Variants in TLE4 observed in about 807,000 individuals in gnomAD.
TLE4 encodes the protein transducin-like enhancer protein 4.
Under a neutral mutation model 92.8 loss-of-function variants are expected in TLE4, and 8 were observed. That is an observed-to-expected ratio of 0.09 (90% CI 0.05 to 0.16). TLE4 has a LOEUF of 0.16. TLE4 is among the 10% of genes least tolerant of loss of function. TLE4 has a pLI of 1.00. For synonymous variants in TLE4, 371 were observed against 374.1 expected, an observed-to-expected ratio of 0.99 and a Z score of 0.10; for missense variants, 675 against 997.6, an observed-to-expected ratio of 0.68 and a Z score of 4.36.
At chr9:79,667,852 A>G (rs779762783) in intron 8 of TLE4, among the ~76,000 whole-genome samples, 1 of 152,220 alleles carries the variant, frequency 6.6e-6, no homozygotes, top group African/African-American at 2.4e-5. Context: ...TTCTTAAACT[A>G]AAGATTATCA....
chr9:79,578,281 A>G (rs1186813085), intron 4 of TLE4, among the ~76,000 whole-genome samples: 1 of 152,038 alleles, frequency 6.6e-6, no homozygotes, highest in Non-Finnish European at 1.5e-5. Context: ...AGGTTTATTC[A>G]CTTATTAGAT....
In TLE4 at chr9:79,573,631, C is replaced by G. The variant is rs1004324473; in HGVS notation, c.46-58C>G. On this transcript the variant is annotated intron_variant, in intron 1 of 19. Transcript: ENST00000376552. ...CTAACGCCGCATAGTAGGTTTTCTCCGTCTCCCTGCTTCGCCTGTGATGTG... is the reference window on the plus strand; with the variant it reads ...CTAACGCCGCATAGTAGGTTTTCTCGGTCTCCCTGCTTCGCCTGTGATGTG... The G allele has an allele frequency of 5.7e-6, 8 of 1,409,166 alleles. No individual in the cohort carries two copies. The South Asian group carries it at 9.1e-5, about 16-fold the overall frequency. 87.3% of individuals were successfully genotyped at this position (1,409,166 alleles called of 1,614,324 possible). A position where few individuals can be genotyped will look rare whatever the true frequency, so the allele number is the denominator to read the frequency against.
intron 5 of TLE4, among the ~76,000 whole-genome samples, chr9:79,613,795 T>C (rs550557391): frequency 6.6e-6 from 1 of 152,282 alleles, no homozygotes; most frequent in Admixed American, 6.5e-5. Flanking sequence ...GATTGCTGTA[T>C]ATGATTTTTT....
intron 1 of TLE4, 82 bp from the exon 2 acceptor site, chr9:79,573,607 T>C (rs546321360): frequency 9.1e-6 from 11 of 1,206,042 alleles, no homozygotes; most frequent in Non-Finnish European, 1.2e-5. Flanking sequence ...CACCCCCCGC[T>C]AACGCCGCAT....
At chr9:79,715,045 TG>T (rs746656825) in intron 14 of TLE4, among the ~76,000 whole-genome samples, 1 of 152,196 alleles carries the variant, frequency 6.6e-6, no homozygotes, top group Non-Finnish European at 1.5e-5. Context: ...AGCAGGCTCT[TG>T]GAATTCATTT....
chr9:79,596,616 G>A (rs759348244), intron 4 of TLE4, among the ~76,000 whole-genome samples: 5 of 148,022 alleles, frequency 3.4e-5, no homozygotes, highest in Non-Finnish European at 6.0e-5. Flanking sequence ...AGTAAGGGAT[G>A]CTTTCTTAAT....
At chr9:79,600,014 C>T (rs1442688572) in intron 4 of TLE4, among the ~76,000 whole-genome samples, 1 of 152,212 alleles carries the variant, frequency 6.6e-6, no homozygotes, top group Non-Finnish European at 1.5e-5. Context: ...CTTCATTCAG[C>T]ATCTACAATA....
chr9:79,617,848 A>AT (rs1434934792), intron 5 of TLE4, among the ~76,000 whole-genome samples: 1 of 151,782 alleles, frequency 6.6e-6, no homozygotes, highest in African/African-American at 2.4e-5. Flanking sequence ...AAAAAAAAAA[A>AT]GCTTGTTTCT....
intron 4 of TLE4, among the ~76,000 whole-genome samples, chr9:79,588,208 C>T (rs182416057): frequency 1.3e-5 from 2 of 151,146 alleles, no homozygotes; most frequent in African/African-American, 2.4e-5. Context: ...AGTGCGGTGG[C>T]GTGATCTCGG....
At chr9:79,707,486 GTAACA>G (rs1003994429) in intron 11 of TLE4, among the ~76,000 whole-genome samples, 2 of 151,910 alleles carry the variant, frequency 1.3e-5, no homozygotes, top group African/African-American at 4.8e-5. Flanking sequence ...TTATTTCCTT[GTAACA>G]TAACATTTAA....
intron 8 of TLE4, among the ~76,000 whole-genome samples, chr9:79,684,447 GCATACTCTAT>G (rs2065365834): frequency 6.6e-6 from 1 of 152,010 alleles, no homozygotes; most frequent in African/African-American, 2.4e-5. Flanking sequence ...TCATAGGCAT[GCATACTCTAT>G]TGTGAACTGT....
rs1340752587 is a variant in TLE4 at position 79,725,935 on chromosome 9, G to A, written c.*791G>A. ...TGAACAAATTAAATTTGGCCTCAAA[G>A]AGAGAACTTACTCCCTTCTGGATAT... On this transcript the variant is annotated 3_prime_UTR_variant, in exon 20 of 20. Transcript: ENST00000376552. 1.3e-5 allele frequency: 2 copies of A among 152,580 alleles called. No individual in the cohort carries two copies. The highest frequency in any genetic ancestry group is 2.9e-5 in the Non-Finnish European group (2 of 68,026). 9.5% of individuals were successfully genotyped at this position (152,580 alleles called of 1,614,324 possible).
rs2076362918 is a variant in TLE4 at position 79,726,200 on chromosome 9, T to G, written c.*1056T>G. 4 of 152,794 alleles carry G rather than the reference T, an allele frequency of 2.6e-5. No individual in the cohort carries two copies. Among genetic ancestry groups the G allele is most frequent in the East Asian group, 1.9e-4 (1 of 5,180 alleles). The allele number at this position is 152,794 out of a possible 1,614,324, so 9.5% of individuals were successfully genotyped here. A position where few individuals can be genotyped will look rare whatever the true frequency, so the allele number is the denominator to read the frequency against. ...CTCCTGGGATGAGGACTTGCTTTCTTTACCTCCGGTTCTTTCCATGTCTTA... is the reference window on the plus strand; with the variant it reads ...CTCCTGGGATGAGGACTTGCTTTCTGTACCTCCGGTTCTTTCCATGTCTTA... On this transcript the variant is annotated 3_prime_UTR_variant, in exon 20 of 20. Coordinates refer to ENST00000376552, the MANE Select transcript of TLE4 (RefSeq NM_007005.6).
At position 79,709,620 on chromosome 9, in the gene TLE4, T is replaced by C. The variant is rs1201355920; in HGVS notation, c.1264-3T>C. ...TCTGTTGTTTGCTTGGGAAAAATTC[T>C]AGGTGGGATTTGATCCACACCATCA... On this transcript the variant is annotated splice_region_variant and splice_polypyrimidine_tract_variant and intron_variant, in intron 13 of 19. Transcript: ENST00000376552. 1.2e-6 allele frequency: 2 copies of C among 1,613,608 alleles called. No individual in the cohort carries two copies. The highest frequency in any genetic ancestry group is 2.2e-5 in the East Asian group (1 of 44,850).
rs1488420379 is a variant in TLE4, at chr9:79,573,603, C to G, written c.46-86C>G. Reference sequence around the variant, plus strand: ...TTGCGTGCGCGATGACCCTCACCCCCCGCTAACGCCGCATAGTAGGTTTTC... The same window carrying G: ...TTGCGTGCGCGATGACCCTCACCCCGCGCTAACGCCGCATAGTAGGTTTTC... On this transcript the variant is annotated intron_variant, in intron 1 of 19. Transcript: ENST00000376552. 9 of 1,160,460 alleles carry G rather than the reference C, an allele frequency of 7.8e-6. No homozygotes were observed. The South Asian group carries it at 7.9e-5, about 10-fold the overall frequency. The allele number at this position is 1,160,460 out of a possible 1,614,324, so 71.9% of individuals were successfully genotyped here. A position where few individuals can be genotyped will look rare whatever the true frequency, so the allele number is the denominator to read the frequency against.
intron 5 of TLE4, among the ~76,000 whole-genome samples, chr9:79,618,305 T>G (rs1375256963): frequency 6.6e-6 from 1 of 152,252 alleles, no homozygotes; most frequent in Non-Finnish European, 1.5e-5. Context: ...CTCATGTTTT[T>G]CAGTTACATA....
chr9:79,622,063 C>G (rs142995093), intron 5 of TLE4, among the ~76,000 whole-genome samples: 6 of 152,328 alleles, frequency 3.9e-5, no homozygotes, highest in Non-Finnish European at 8.8e-5. Flanking sequence ...AATAACATCT[C>G]ATTTCCTACC....
Position 79,653,103 on chromosome 9 carries a change from G to A in TLE4, c.592+309G>A, listed in dbSNP as rs536755043. 1.3e-3 allele frequency among the ~76,000 whole-genome samples: 194 copies of A among 152,288 alleles called. 2 individuals are homozygous for A. Among genetic ancestry groups the A allele is most frequent in the African/African-American group, 4.5e-3 (188 of 41,576 alleles). The stretch of plus-strand genomic sequence containing the variant: ...ATCCCATGATGCTCTGTTTGAAGTA[G>A]CATGTTGCATTAATAGTTAACTTTG... On this transcript the variant is annotated intron_variant, in intron 7 of 19. Coordinates refer to ENST00000376552, the MANE Select transcript of TLE4 (RefSeq NM_007005.6).
intron 4 of TLE4, among the ~76,000 whole-genome samples, chr9:79,577,449 A>T (rs2038200275): frequency 6.6e-6 from 1 of 152,184 alleles, no homozygotes; most frequent in Non-Finnish European, 1.5e-5. Flanking sequence ...TTAGCATTAT[A>T]GTATAGTTTG....
Sources: gnomAD v4.1 joint callset for allele counts (sites outside exome capture counted in the v4.1 genomes callset) on GRCh38, gnomAD v4.1.1 for gene constraint, MANE v1.5 for transcripts, NCBI Gene and HGNC (gene_info 2026-07-23, HGNC 2026-07-21) for gene names.